RBMS3: variants seen among roughly 807,000 people sequenced by gnomAD.
The protein encoded by RBMS3 is RNA binding motif single stranded interacting protein 3.
A neutral mutation model predicts 66.8 loss-of-function variants in RBMS3; 27 were observed. The ratio of observed to expected loss-of-function variants is 0.40; its 90% confidence interval spans 0.30 to 0.56. The LOEUF (loss-of-function observed/expected upper bound fraction) is 0.56, where lower values mean the gene tolerates loss of function less well. Ranked by LOEUF, RBMS3 falls within the 20% of genes least tolerant of loss-of-function variation. RBMS3 has a pLI of 0.40. For missense variants in RBMS3, 513 were observed against 549.5 expected (o/e 0.93, Z 0.66); for synonymous variants, 188 against 183.0 (o/e 1.03, Z -0.22).
At chr3:29,739,411 G>A (rs1209871863) in intron 4 of RBMS3, among the ~76,000 whole-genome samples, 5 of 149,320 alleles carry the variant, frequency 3.3e-5, no homozygotes, top group Admixed American at 6.7e-5. Flanking sequence ...AGTCGAGATC[G>A]CGCCACTGCA....
intron 1 of RBMS3, among the ~76,000 whole-genome samples, chr3:29,415,258 T>C (rs145005446): frequency 1.2e-4 from 19 of 152,342 alleles, no homozygotes; most frequent in Non-Finnish European, 2.2e-4. Flanking sequence ...AAATCTTTTA[T>C]TGAGTAATAG....
chr3:29,707,170 T>C (rs59406115), intron 4 of RBMS3, among the ~76,000 whole-genome samples: 3,584 of 152,326 alleles, frequency 0.024, 132 homozygotes, highest in African/African-American at 0.08. Context: ...TGTTCCTTTA[T>C]ATTCATATTT....
At chr3:29,734,614 G>A (rs2054297733) in intron 4 of RBMS3, among the ~76,000 whole-genome samples, 1 of 152,022 alleles carries the variant, frequency 6.6e-6, no homozygotes, top group Non-Finnish European at 1.5e-5. Context: ...GAGACCCATA[G>A]GGTGTTCCAT....
chr3:29,592,334 A>G (rs1213771132), intron 4 of RBMS3, among the ~76,000 whole-genome samples: 1 of 152,166 alleles, frequency 6.6e-6, no homozygotes, highest in Admixed American at 6.5e-5. Flanking sequence ...ACCTCATAAA[A>G]AAAGTGGGTG....
chr3:29,330,546 G>A (rs961108388), intron 1 of RBMS3, among the ~76,000 whole-genome samples: 2 of 152,080 alleles, frequency 1.3e-5, no homozygotes, highest in Non-Finnish European at 2.9e-5. Context: ...TCCATTCTGG[G>A]TGGGTATCTA....
rs2031721259 is a variant in RBMS3, at chr3:29,281,119, T to TTTG, written c.-561_-560insGTT. 1 of 145,750 alleles carries TTTG rather than the reference T, an allele frequency of 6.9e-6. No homozygotes were observed. The highest frequency in any genetic ancestry group is 1.5e-5 in the Non-Finnish European group (1 of 66,204). 9.0% of individuals were successfully genotyped at this position (145,750 alleles called of 1,614,324 possible). ...CAGCAACTAAGCTGTACAAGGTTTT[T>TTTG]TTTTTTTTTTTTTCTTCCTTTTTTT... On this transcript the variant is annotated 5_prime_UTR_variant, in exon 1 of 15. Coordinates refer to ENST00000383767, the MANE Select transcript of RBMS3 (RefSeq NM_001003793.3).
chr3:29,760,283 C>CACACACA (rs1559643109), intron 5 of RBMS3, among the ~76,000 whole-genome samples: 4 of 144,796 alleles, frequency 2.8e-5, no homozygotes, highest in African/African-American at 1.1e-4. Flanking sequence ...ACACACACAC[C>CACACACA]CCTACACACA....
At chr3:29,624,812 G>C (rs986726975) in intron 4 of RBMS3, among the ~76,000 whole-genome samples, 2 of 152,144 alleles carry the variant, frequency 1.3e-5, no homozygotes, top group Non-Finnish European at 2.9e-5. Context: ...AGAAGGTTCA[G>C]TGTATGACGA....
At chr3:29,570,649 C>G (rs1022736091) in intron 3 of RBMS3, among the ~76,000 whole-genome samples, 2 of 152,130 alleles carry the variant, frequency 1.3e-5, no homozygotes, top group Non-Finnish European at 2.9e-5. Context: ...TTGCAAATGA[C>G]AGGATCTCAT....
At chr3:29,714,471 C>T (rs1054031780) in intron 4 of RBMS3, among the ~76,000 whole-genome samples, 1 of 151,872 alleles carries the variant, frequency 6.6e-6, no homozygotes, top group Non-Finnish European at 1.5e-5. Flanking sequence ...TAGACAGCCA[C>T]GTATGTGAGT....
chr3:29,594,023 G>T (rs558311065), intron 4 of RBMS3, among the ~76,000 whole-genome samples: 49 of 152,206 alleles, frequency 3.2e-4, no homozygotes, highest in African/African-American at 7.2e-4. Context: ...CGTGACATTT[G>T]AACATGTATC....
intron 3 of RBMS3, among the ~76,000 whole-genome samples, chr3:29,518,185 G>T (rs1662763104): frequency 6.6e-6 from 1 of 152,162 alleles, no homozygotes; most frequent in Non-Finnish European, 1.5e-5. Flanking sequence ...ATTGGGTGTA[G>T]CTAGCACCTG....
intron 6 of RBMS3, among the ~76,000 whole-genome samples, chr3:29,845,288 G>A (rs2058751136): frequency 6.6e-6 from 1 of 152,184 alleles, no homozygotes; most frequent in South Asian, 2.1e-4. Context: ...CTAACTCCAT[G>A]ACTTTAGGCA....
chr3:29,817,684 A>G (rs1039252135), intron 6 of RBMS3, among the ~76,000 whole-genome samples: 2 of 152,160 alleles, frequency 1.3e-5, no homozygotes, highest in African/African-American at 4.8e-5. Context: ...TATAGAAAGT[A>G]GGTTTATTAA....
intron 12 of RBMS3, among the ~76,000 whole-genome samples, chr3:29,971,027 T>C (rs188533392): frequency 2.0e-5 from 3 of 152,174 alleles, no homozygotes; most frequent in African/African-American, 7.2e-5. Flanking sequence ...AAACACAAGA[T>C]GCTCCCATTC....
intron 1 of RBMS3, among the ~76,000 whole-genome samples, chr3:29,321,568 T>C (rs900746211): frequency 2.0e-5 from 3 of 152,172 alleles, no homozygotes; most frequent in Admixed American, 1.3e-4. Flanking sequence ...AAGACTCAAA[T>C]ATGTACATAC....
chr3:29,957,652 GC>G (rs1319450669), intron 12 of RBMS3, among the ~76,000 whole-genome samples: 2 of 152,090 alleles, frequency 1.3e-5, no homozygotes, highest in Non-Finnish European at 2.9e-5. Context: ...AAATATGAAT[GC>G]CCTTCAGCAA....
intron 8 of RBMS3, among the ~76,000 whole-genome samples, chr3:29,894,485 A>G (rs912238558): frequency 2.6e-4 from 39 of 151,496 alleles, no homozygotes; most frequent in African/African-American, 8.9e-4. Context: ...GCCTTTCCTC[A>G]GTGTGTGCGT....
chr3:29,559,631 C>A (rs1363447723), intron 3 of RBMS3, among the ~76,000 whole-genome samples: 2 of 146,690 alleles, frequency 1.4e-5, no homozygotes, highest in Admixed American at 6.9e-5. Context: ...CTTGCTTGTT[C>A]CAGGATTTTC....
Sources: gnomAD v4.1 joint callset for allele counts (sites outside exome capture counted in the v4.1 genomes callset) on GRCh38, gnomAD v4.1.1 for gene constraint, MANE v1.5 for transcripts, NCBI Gene and HGNC (gene_info 2026-07-23, HGNC 2026-07-21) for gene names.